The following OR4D1 variants were observed in gnomAD, a reference collection of about 807,000 sequenced individuals.
OR4D1 encodes olfactory receptor 4D1.
Under a neutral mutation model 14.2 loss-of-function variants are expected in OR4D1, and 10 were observed. The observed-to-expected ratio is 0.71, with a 90% CI of 0.44 to 1.20. OR4D1 has a LOEUF of 1.20. Ranked by LOEUF, OR4D1 falls within the 50% of genes most tolerant of loss-of-function variation. The pLI is 0.00. For missense variants in OR4D1, 345 were observed against 376.6 expected (o/e 0.92, Z 0.70); for synonymous variants, 141 against 147.4 (o/e 0.96, Z 0.32).
In OR4D1 at chr17:58,157,442, G is replaced by A; in HGVS notation, c.*1356G>A. ...CAAGACCAATCCGAAGCCGCGCACA[G>A]CCTTTACCACGTCCCAGCTCCTCGC... On this transcript the variant is annotated 3_prime_UTR_variant, in exon 4 of 4. Coordinates refer to ENST00000268912, the MANE Select transcript of OR4D1 (RefSeq NM_001386095.1). 1 of 1,109,438 alleles carries A rather than the reference G, an allele frequency of 9.0e-7. No individual in the cohort carries two copies. The highest frequency in any genetic ancestry group is 1.4e-6 in the Non-Finnish European group (1 of 731,248). 68.7% of individuals were successfully genotyped at this position (1,109,438 alleles called of 1,614,324 possible).
At chr17:58,154,469 G>A (rs1967740323) in intron 3 of OR4D1, among the ~76,000 whole-genome samples, 10 of 152,092 alleles carry the variant, frequency 6.6e-5, no homozygotes, top group Admixed American at 6.5e-4. Flanking sequence ...CCCCACAGAT[G>A]GCCCATGGCA....
chr17:58,152,015 T>C (rs530752938), intron 2 of OR4D1, among the ~76,000 whole-genome samples: 1 of 152,378 alleles, frequency 6.6e-6, no homozygotes, highest in South Asian at 2.1e-4. Flanking sequence ...TCAATAATGC[T>C]GAGTATTACA....
Position 58,157,782 on chromosome 17 carries a change from A to G in OR4D1, c.*1696A>G, listed in dbSNP as rs181401891. On this transcript the variant is annotated 3_prime_UTR_variant, in exon 4 of 4. Coordinates refer to ENST00000268912, the MANE Select transcript of OR4D1 (RefSeq NM_001386095.1). The stretch of plus-strand genomic sequence containing the variant: ...GGACTCTATGCCACGCCAGTGGGAT[A>G]TGGCATGTACCACCTGTCCTAAGGA... 1.9e-6 allele frequency: 3 copies of G among 1,609,816 alleles called. No individual in the cohort carries two copies. The highest frequency in any genetic ancestry group is 1.3e-5 in the African/African-American group (1 of 75,022).
chr17:58,157,244 G>A lies in OR4D1; in HGVS notation c.*1158G>A. On this transcript the variant is annotated 3_prime_UTR_variant, in exon 4 of 4. Coordinates refer to ENST00000268912, the MANE Select transcript of OR4D1 (RefSeq NM_001386095.1). ...CCACCCTGCGGCTACTGCTGCTGCCGGGGCACGGCGCTCGGGAAGCGCACA... is the reference window on the plus strand; with the variant it reads ...CCACCCTGCGGCTACTGCTGCTGCCAGGGCACGGCGCTCGGGAAGCGCACA... 4 of 1,465,194 alleles carry A rather than the reference G, an allele frequency of 2.7e-6. No individual in the cohort carries two copies. The highest frequency in any genetic ancestry group is 3.6e-6 in the Non-Finnish European group (4 of 1,110,210). The allele number at this position is 1,465,194 out of a possible 1,614,324, so 90.8% of individuals were successfully genotyped here. A position where few individuals can be genotyped will look rare whatever the true frequency, so the allele number is the denominator to read the frequency against.
At chr17:58,152,422 T>C (rs1967713896) in intron 2 of OR4D1, among the ~76,000 whole-genome samples, 1 of 152,226 alleles carries the variant, frequency 6.6e-6, no homozygotes, top group African/African-American at 2.4e-5. Context: ...CTCTGAGGCT[T>C]TTCATCTTAT....
At chr17:58,152,039 T>C (rs1444045318) in intron 2 of OR4D1, among the ~76,000 whole-genome samples, 1 of 152,232 alleles carries the variant, frequency 6.6e-6, no homozygotes, top group African/African-American at 2.4e-5. Context: ...TTTTAAAAGA[T>C]CAATGTTAAC....
In OR4D1 at chr17:58,152,871, G is replaced by T. The variant is rs563414585; in HGVS notation, c.-126-986G>T. 2.0e-5 allele frequency among the ~76,000 whole-genome samples: 3 copies of T among 152,288 alleles called. No individual in the cohort carries two copies. The South Asian group carries it at 6.2e-4, about 32-fold the overall frequency. ...GATTGCTTGAGACTGGCTCCTGGAG[G>T]TTGTAGTGAACTGAGATTGCACCAC... On this transcript the variant is annotated intron_variant, in intron 2 of 3. Transcript: ENST00000268912.
chr17:58,150,405 G>A (rs1430991748), intron 2 of OR4D1, among the ~76,000 whole-genome samples: 1 of 152,208 alleles, frequency 6.6e-6, no homozygotes, highest in Non-Finnish European at 1.5e-5. Context: ...ACAGCAATAA[G>A]CCAGATAGGA....
chr17:58,151,969 T>C (rs1967709343), intron 2 of OR4D1, among the ~76,000 whole-genome samples: 1 of 152,254 alleles, frequency 6.6e-6, no homozygotes, highest in Non-Finnish European at 1.5e-5. Context: ...TCTAGAAAGA[T>C]TGTACTACCA....
chr17:58,152,746 G>A (rs1163355078), intron 2 of OR4D1, among the ~76,000 whole-genome samples: 1 of 152,068 alleles, frequency 6.6e-6, no homozygotes, highest in Non-Finnish European at 1.5e-5. Context: ...ACCAGCAGGG[G>A]CAACATGACA....
Position 58,158,552 on chromosome 17 carries a change from G to A in OR4D1, c.*2466G>A, listed in dbSNP as rs1367150935. 1 of 149,108 alleles carries A rather than the reference G, an allele frequency of 6.7e-6. No individual in the cohort carries two copies. Among genetic ancestry groups the A allele is most frequent in the African/African-American group, 2.5e-5 (1 of 39,866 alleles). The allele number at this position is 149,108 out of a possible 1,614,324, so 9.2% of individuals were successfully genotyped here. On this transcript the variant is annotated 3_prime_UTR_variant, in exon 4 of 4. Coordinates refer to ENST00000268912, the MANE Select transcript of OR4D1 (RefSeq NM_001386095.1). Reference sequence around the variant, plus strand: ...AGAAGAATCCTGAGAATGCCTGGAGGTGAGGTAGAAAATTAGAAATACTTC... The same window carrying A: ...AGAAGAATCCTGAGAATGCCTGGAGATGAGGTAGAAAATTAGAAATACTTC...
chr17:58,158,270 A>C lies in OR4D1; in HGVS notation c.*2184A>C, dbSNP rs1169786209. The C allele has an allele frequency of 1.3e-5, 2 of 152,198 alleles. No individual in the cohort carries two copies. Among genetic ancestry groups the C allele is most frequent in the Admixed American group, 1.3e-4 (2 of 15,270 alleles). The allele number at this position is 152,198 out of a possible 1,614,324, so 9.4% of individuals were successfully genotyped here. ...TGCTAAAGTCAATGATTTTGATGGG[A>C]TGATTGACTTCTGCTTATGGAAAAC... On this transcript the variant is annotated 3_prime_UTR_variant, in exon 4 of 4. Coordinates refer to ENST00000268912, the MANE Select transcript of OR4D1 (RefSeq NM_001386095.1).
Position 58,155,422 on chromosome 17 carries a change from A to G in OR4D1, c.269A>G (p.Lys90Arg), listed in dbSNP as rs1967755395. The G allele has an allele frequency of 1.9e-6, 3 of 1,614,062 alleles. No homozygotes were observed. The highest frequency in any genetic ancestry group is 2.2e-5 in the East Asian group (1 of 44,898). Reference protein sequence around the residue: ...KMLVDFLHETKTISYQGCMAQ... With the variant: ...KMLVDFLHETRTISYQGCMAQ... ...CTGGTGGACTTCCTCCATGAGACCA[A>G]GACGATCTCCTACCAGGGCTGCATG... is the stretch of plus-strand genomic sequence containing the variant. Residue 90 changes from lysine (K) to arginine (R), a missense_variant, in exon 4 of 4, where the codon AAG (lysine) becomes AGG (arginine). Coordinates refer to ENST00000268912, the MANE Select transcript of OR4D1 (RefSeq NM_001386095.1).
In OR4D1 at chr17:58,155,272, TGG is replaced by T; in HGVS notation, c.121_122del (p.Gly41LysfsTer11). On this transcript the variant is annotated frameshift_variant, in exon 4 of 4. Transcript: ENST00000268912. LOFTEE classifies it high-confidence loss of function. The stretch of plus-strand genomic sequence containing the variant: ...CTGTTAGTCTATGTTACCACCATTG[TGG>T]GAAACCTCCTTATCATGGTCACAGT... The T allele has an allele frequency of 2.5e-6, 4 of 1,614,202 alleles. No homozygotes were observed. Among genetic ancestry groups the T allele is most frequent in the Non-Finnish European group, 3.4e-6 (4 of 1,180,028 alleles).
At chr17:58,151,797 T>A (rs1282573688) in intron 2 of OR4D1, among the ~76,000 whole-genome samples, 2 of 152,248 alleles carry the variant, frequency 1.3e-5, no homozygotes, top group African/African-American at 4.8e-5. Context: ...ATTTATGTTG[T>A]TTCTAGTTTA....
Position 58,155,562 on chromosome 17 carries a change from A to C in OR4D1, c.409A>C (p.Asn137His). The C allele has an allele frequency of 6.2e-7, 1 of 1,614,096 alleles. No individual in the cohort carries two copies. Among genetic ancestry groups the C allele is most frequent in the Non-Finnish European group, 8.5e-7 (1 of 1,180,022 alleles). ...SQPLRYVTIM[N>H]TQLCVGLVVA... ...GCCCCTCCGGTATGTCACCATCATG[A>C]ACACTCAATTGTGTGTGGGCCTGGT... The change falls in exon 4 of 4, where the codon AAC becomes CAC. Residue 137 changes from asparagine to histidine, a missense_variant. Physicochemically the swap from Asn to His is moderately conservative, Grantham distance 68. Transcript: ENST00000268912.
rs1448498701 is a variant in OR4D1, at chr17:58,155,373, T to G, written c.220T>G (p.Ser74Ala). The G allele has an allele frequency of 6.2e-7, 1 of 1,614,082 alleles. No homozygotes were observed. Among genetic ancestry groups the G allele is most frequent in the African/African-American group, 1.3e-5 (1 of 74,932 alleles). Residue 74 changes from serine to alanine, a missense_variant, in exon 4 of 4, where the codon TCC becomes GCC. Ser to Ala is a moderately conservative substitution (Grantham distance 99). Transcript: ENST00000268912. ...RNLALIDLCYSTVTSPKMLVD... is the reference protein window; with the variant it reads ...RNLALIDLCYATVTSPKMLVD... The stretch of plus-strand genomic sequence containing the variant: ...TCTAGCTCTCATAGACCTCTGCTAT[T>G]CCACAGTCACCTCTCCAAAGATGCT...
chr17:58,155,966 G>C lies in OR4D1; in HGVS notation c.813G>C (p.Val271=). Residue 271 remains valine, a synonymous_variant, in exon 4 of 4, where the codon GTG becomes GTC. Coordinates refer to ENST00000268912, the MANE Select transcript of OR4D1 (RefSeq NM_001386095.1). ...PFTPFLMDKA[V]SISYTVMTPM... is the part of the protein sequence containing the mutation. ...CCCCATTCCTCATGGACAAGGCTGTGTCCATCAGCTACACAGTCATGACCC... is the reference window on the plus strand; with the variant it reads ...CCCCATTCCTCATGGACAAGGCTGTCTCCATCAGCTACACAGTCATGACCC... 6.2e-7 allele frequency: 1 copy of C among 1,614,004 alleles called. No individual in the cohort carries two copies. Among genetic ancestry groups the C allele is most frequent in the Non-Finnish European group, 8.5e-7 (1 of 1,179,968 alleles).
chr17:58,155,358 A>G lies in OR4D1; in HGVS notation c.205A>G (p.Ile69Val), dbSNP rs138229403. The G allele has an allele frequency of 2.5e-4, 404 of 1,614,140 alleles. No homozygotes were observed. The African/African-American group carries it at 4.5e-3, about 18-fold the overall frequency. ...TTTTCTGCTCCGAAATCTAGCTCTC[A>G]TAGACCTCTGCTATTCCACAGTCAC... is the stretch of plus-strand genomic sequence containing the variant. ...MYFLLRNLAL[I>V]DLCYSTVTSP... is the part of the protein sequence containing the mutation. The change falls in exon 4 of 4, where the codon ATA (isoleucine) becomes GTA (valine). Residue 69 changes from isoleucine (I) to valine (V), a missense_variant. Physicochemically the swap from Ile to Val is conservative, Grantham distance 29. Transcript: ENST00000268912.
Sources: allele counts gnomAD v4.1 joint callset (sites outside exome capture counted in the v4.1 genomes callset), GRCh38; gene constraint gnomAD v4.1.1; transcripts MANE v1.5; gene names NCBI Gene and HGNC (gene_info 2026-07-23, HGNC 2026-07-21).